LNPEP: variants seen among roughly 807,000 people sequenced by gnomAD.
LNPEP encodes the protein leucyl-cystinyl aminopeptidase.
Under a neutral mutation model 120.6 loss-of-function variants are expected in LNPEP, and 64 were observed. That is an observed-to-expected ratio of 0.53 (90% CI 0.43 to 0.65). The LOEUF is 0.65. Ranked by LOEUF, LNPEP falls within the 30% of genes least tolerant of loss-of-function variation. The pLI is 0.00. For synonymous variants in LNPEP, 435 were observed against 425.4 expected (o/e 1.02, Z -0.28); for missense variants, 1,057 against 1,200.0 (o/e 0.88, Z 1.76).
intron 8 of LNPEP, among the ~76,000 whole-genome samples, chr5:96,998,363 T>G (rs954508707): frequency 2.0e-5 from 3 of 152,120 alleles, no homozygotes; most frequent in Admixed American, 1.3e-4. Flanking sequence ...TGACTAGTAT[T>G]CCAGACAATT....
In LNPEP at chr5:96,996,382, C is replaced by G. The variant is rs773637547; in HGVS notation, c.1408-8C>G. The G allele has an allele frequency of 3.7e-6, 1 of 267,914 alleles. No homozygotes were observed. The highest frequency in any genetic ancestry group is 4.8e-6 in the Non-Finnish European group (1 of 207,936). The allele number at this position is 267,914 out of a possible 1,614,324, so 16.6% of individuals were successfully genotyped here. ...ATCCTGTGGGTTAATTGTTTTCTCTCCCCCCAGTGGTTTGGCAATCTGGTA... is the reference window on the plus strand; with the variant it reads ...ATCCTGTGGGTTAATTGTTTTCTCTGCCCCCAGTGGTTTGGCAATCTGGTA... On this transcript the variant is annotated splice_region_variant and splice_polypyrimidine_tract_variant and intron_variant, in intron 6 of 17. Transcript: ENST00000231368.
At position 97,031,562 on chromosome 5, in the gene LNPEP, C is replaced by A. The variant is rs1253070252; in HGVS notation, c.*3029C>A. The A allele has an allele frequency of 6.6e-6, 1 of 152,146 alleles. No homozygotes were observed. Among genetic ancestry groups the A allele is most frequent in the East Asian group, 1.9e-4 (1 of 5,190 alleles). 9.4% of individuals were successfully genotyped at this position (152,146 alleles called of 1,614,324 possible). On this transcript the variant is annotated 3_prime_UTR_variant, in exon 18 of 18. Transcript: ENST00000231368. The stretch of plus-strand genomic sequence containing the variant: ...CAAGCTGCATCAGTATTATAGGATA[C>A]CAAACAGAATCCTTTCTATTAGGAA...
intron 1 of LNPEP, among the ~76,000 whole-genome samples, chr5:96,966,508 TTGTGTGTGTG>T (rs375861296): frequency 1.0e-3 from 137 of 133,458 alleles, no homozygotes; most frequent in East Asian, 4.9e-3. Flanking sequence ...TTACATATAT[TTGTGTGTGTG>T]TGTGTGTGTG....
At chr5:96,938,867 C>CT (rs1788985222) in intron 1 of LNPEP, among the ~76,000 whole-genome samples, 1 of 151,318 alleles carries the variant, frequency 6.6e-6, no homozygotes, top group Admixed American at 6.6e-5. Context: ...TCTTTGGTGG[C>CT]TTTTTTTATG....
intron 1 of LNPEP, among the ~76,000 whole-genome samples, chr5:96,962,278 C>A (rs1481001017): frequency 6.6e-6 from 1 of 152,074 alleles, no homozygotes; most frequent in Non-Finnish European, 1.5e-5. Flanking sequence ...ATACGTACTG[C>A]AGTCAAAAAA....
intron 1 of LNPEP, among the ~76,000 whole-genome samples, chr5:96,957,492 G>C (rs973047342): frequency 2.0e-5 from 3 of 152,054 alleles, no homozygotes; most frequent in Non-Finnish European, 4.4e-5. Flanking sequence ...AAATAAAGAG[G>C]TTATCCTGGA....
At chr5:96,980,392 G>C (rs554484365) in intron 2 of LNPEP, among the ~76,000 whole-genome samples, 2 of 152,134 alleles carry the variant, frequency 1.3e-5, no homozygotes, top group Non-Finnish European at 2.9e-5. Flanking sequence ...AGGGCATGAA[G>C]AAGTGTGAAG....
chr5:97,023,668 G>T (rs1791269093), intron 14 of LNPEP, among the ~76,000 whole-genome samples: 1 of 152,012 alleles, frequency 6.6e-6, no homozygotes, highest in African/African-American at 2.4e-5. Context: ...TTTAGCTATT[G>T]TGAATAATAA....
rs146669577 is a variant in LNPEP at position 97,024,561 on chromosome 5, G to A, written c.2602G>A (p.Ala868Thr). ...CATGACAACTGTGTTCAAAGTTGGA[G>A]CAAAAACTGACAAAGGCTGGTCATT... The part of the protein sequence containing the change: ...DVMTTVFKVG[A>T]KTDKGWSFLL... Residue 868 changes from alanine to threonine, a missense_variant, in exon 15 of 18, where the codon GCA (alanine) becomes ACA (threonine). Physicochemically the swap from Ala to Thr is moderately conservative, Grantham distance 58. Coordinates refer to ENST00000231368, the MANE Select transcript of LNPEP (RefSeq NM_005575.3). 5.7e-5 allele frequency: 92 copies of A among 1,614,042 alleles called. No individual in the cohort carries two copies. The African/African-American group carries it at 9.5e-4, about 17-fold the overall frequency.
chr5:96,946,580 A>G (rs1789190193), intron 1 of LNPEP, among the ~76,000 whole-genome samples: 2 of 152,228 alleles, frequency 1.3e-5, no homozygotes, highest in African/African-American at 4.8e-5. Context: ...GTCTTGGCAC[A>G]TCATCGAATG....
chr5:96,983,717 G>C (rs555678320), intron 2 of LNPEP, among the ~76,000 whole-genome samples: 3 of 152,306 alleles, frequency 2.0e-5, no homozygotes, highest in African/African-American at 7.2e-5. Flanking sequence ...AAAGTGCTGG[G>C]ATTTCAGGCG....
At chr5:96,945,447 A>G (rs1005428148) in intron 1 of LNPEP, among the ~76,000 whole-genome samples, 2 of 151,124 alleles carry the variant, frequency 1.3e-5, no homozygotes, top group Admixed American at 6.6e-5. Flanking sequence ...GTCTTTTTCT[A>G]TAGAATGTTC....
chr5:97,013,894 A>G, intron 12 of LNPEP, 63 bp downstream of exon 12: 1 of 1,220,144 alleles, frequency 8.2e-7, no homozygotes, highest in Non-Finnish European at 1.1e-6. Flanking sequence ...GGTAAAGAAC[A>G]TATATGAAAA....
At chr5:96,993,665 A>G in intron 5 of LNPEP, 152 bp from the exon 6 acceptor site, 1 of 725,726 alleles carries the variant, frequency 1.4e-6, no homozygotes, top group Non-Finnish European at 2.3e-6. Context: ...GTGGGTAGAG[A>G]GCATACAGAG....
At chr5:97,004,349 C>G (rs1582020695) in intron 9 of LNPEP, among the ~76,000 whole-genome samples, 1 of 152,148 alleles carries the variant, frequency 6.6e-6, no homozygotes, top group East Asian at 1.9e-4. Context: ...CCCGTCTCCA[C>G]TAAAAATACA....
At chr5:97,000,780 A>G (rs916296317) in intron 8 of LNPEP, among the ~76,000 whole-genome samples, 2 of 152,236 alleles carry the variant, frequency 1.3e-5, no homozygotes, top group Non-Finnish European at 2.9e-5. Context: ...GTAATAAATC[A>G]TAGCAGTGAG....
chr5:96,937,595 A>G (rs1304914936), intron 1 of LNPEP: 1 of 152,124 alleles, frequency 6.6e-6, no homozygotes, highest in Non-Finnish European at 1.5e-5. Context: ...TCCAATGTTC[A>G]TTCTTTGTTT....
chr5:96,936,402 G>T (rs1561422413), intron 1 of LNPEP: 1 of 409,330 alleles, frequency 2.4e-6, no homozygotes, highest in Non-Finnish European at 4.3e-6. Context: ...CGCCGCCGCC[G>T]CTCGCCCGGG....
At chr5:97,009,682 T>TTGCTGC (rs10615639) in intron 11 of LNPEP, among the ~76,000 whole-genome samples, 12,137 of 151,632 alleles carry the variant, frequency 0.08, 974 homozygotes, top group African/African-American at 0.2. Context: ...GTTATTTCCC[T>TTGCTGC]TGCTGCTGCT....
Sources: allele counts gnomAD v4.1 joint callset (sites outside exome capture counted in the v4.1 genomes callset), GRCh38; gene constraint gnomAD v4.1.1; transcripts MANE v1.5; gene names NCBI Gene and HGNC (gene_info 2026-07-23, HGNC 2026-07-21).